The following XNDC1N variants were observed in gnomAD, a reference collection of about 807,000 sequenced individuals.
XNDC1N encodes the protein XRCC1 N-terminal domain containing 1, N-terminal like, also known as protein XNDC1N.
At chr11:71,916,315 G>A in the XNDC1N span, 1 of 691,148 alleles carries the variant, frequency 1.4e-6, no homozygotes, top group East Asian at 2.7e-5. Context: ...GAGAGACAGA[G>A]GAAGAAAAGG....
chr11:71,922,853 C>T, the XNDC1N span, among the ~76,000 whole-genome samples: 2 of 152,172 alleles, frequency 1.3e-5, no homozygotes, highest in African/African-American at 4.8e-5. Flanking sequence ...CACATCAGAT[C>T]AGGCCTGGTC....
At chr11:71,878,838 A>G in the XNDC1N span, among the ~76,000 whole-genome samples, 1 of 152,000 alleles carries the variant, frequency 6.6e-6, no homozygotes, top group African/African-American at 2.4e-5. Context: ...AAAAAAAAAA[A>G]AAATACAAAA....
At chr11:71,911,082 G>A in the XNDC1N span, among the ~76,000 whole-genome samples, 4 of 152,352 alleles carry the variant, frequency 2.6e-5, no homozygotes, top group Non-Finnish European at 4.4e-5. Flanking sequence ...ACAACTGGAC[G>A]GGGTTTCTAA....
the XNDC1N span, chr11:71,919,116 C>T: frequency 1.5e-6 from 1 of 667,040 alleles, no homozygotes; most frequent in African/African-American, 1.8e-5. Context: ...AAACCCCAAA[C>T]CTTCCCAGTC....
At chr11:71,877,589 G>T in the XNDC1N span, among the ~76,000 whole-genome samples, 1 of 152,238 alleles carries the variant, frequency 6.6e-6, no homozygotes, top group African/African-American at 2.4e-5. Flanking sequence ...AGTGAGCCAA[G>T]ATCGCACCAC....
At chr11:71,893,754 G>A in the XNDC1N span, 34,159 of 1,156,198 alleles carry the variant, frequency 0.03, 638 homozygotes, top group East Asian at 0.071. Context: ...TCTCTCATGC[G>A]GACTGCCTGA....
chr11:71,868,213 G>T, the XNDC1N span, among the ~76,000 whole-genome samples: 1 of 152,216 alleles, frequency 6.6e-6, no homozygotes, highest in Non-Finnish European at 1.5e-5. Flanking sequence ...ACAGCATACA[G>T]TTGGGGCTTG....
chr11:71,901,859 G>T, the XNDC1N span, among the ~76,000 whole-genome samples: 17 of 152,020 alleles, frequency 1.1e-4, no homozygotes, highest in African/African-American at 3.6e-4. Flanking sequence ...TCTAGGTGAC[G>T]GATGCATAAA....
the XNDC1N span, among the ~76,000 whole-genome samples, chr11:71,899,044 C>T: frequency 2.0e-5 from 3 of 152,176 alleles, no homozygotes; most frequent in South Asian, 6.2e-4. Context: ...CCCAAATCTT[C>T]TATGGACACT....
At chr11:71,866,112 CTT>C in the XNDC1N span, among the ~76,000 whole-genome samples, 2 of 150,372 alleles carry the variant, frequency 1.3e-5, no homozygotes, top group African/African-American at 4.9e-5. Context: ...AATTATGTCT[CTT>C]TATCTGAAAG....
the XNDC1N span, among the ~76,000 whole-genome samples, chr11:71,891,875 AG>A: frequency 6.6e-6 from 1 of 151,966 alleles, no homozygotes; most frequent in African/African-American, 2.4e-5. Context: ...ACAATATCAC[AG>A]GGGGTGTTTA....
the XNDC1N span, among the ~76,000 whole-genome samples, chr11:71,907,441 G>C: frequency 7.2e-6 from 1 of 138,346 alleles, no homozygotes; most frequent in African/African-American, 2.5e-5. Flanking sequence ...AGCCCCCCAC[G>C]ATGCGGGGAG....
chr11:71,895,270 T>G, the XNDC1N span, among the ~76,000 whole-genome samples: 5 of 151,930 alleles, frequency 3.3e-5, no homozygotes, highest in African/African-American at 1.2e-4. Flanking sequence ...ATACAAATAT[T>G]TATTATGTTG....
the XNDC1N span, among the ~76,000 whole-genome samples, chr11:71,892,552 A>G: frequency 5.9e-5 from 9 of 152,122 alleles, 1 homozygote; most frequent in African/African-American, 2.2e-4. Context: ...CTCTACTTTC[A>G]GGAGCAGTAT....
At chr11:71,916,365 C>T in the XNDC1N span, 15 of 620,084 alleles carry the variant, frequency 2.4e-5, no homozygotes, top group African/African-American at 2.0e-4. Flanking sequence ...TAACCTCCAA[C>T]AAAAGAAGGA....
At chr11:71,899,170 G>C in the XNDC1N span, among the ~76,000 whole-genome samples, 2 of 152,154 alleles carry the variant, frequency 1.3e-5, no homozygotes, top group African/African-American at 4.8e-5. Flanking sequence ...CCACAGAATA[G>C]TAAATAGTCA....
chr11:71,917,356 G>T, the XNDC1N span: 2 of 613,690 alleles, frequency 3.3e-6, no homozygotes, highest in Non-Finnish European at 5.8e-6. Context: ...TCTATATATT[G>T]GGCCCTACCG....
At chr11:71,903,292 G>C in the XNDC1N span, 1 of 1,371,928 alleles carries the variant, frequency 7.3e-7, no homozygotes, top group East Asian at 2.3e-5. Flanking sequence ...TCCTGTCCAT[G>C]TGCCTGGTCA....
At chr11:71,926,060 C>A in the XNDC1N span, 2 of 151,538 alleles carry the variant, frequency 1.3e-5, no homozygotes, top group Non-Finnish European at 2.9e-5. Context: ...TATCTTCAGC[C>A]CAGGAGTTCA....
Sources: allele counts gnomAD v4.1 joint callset (sites outside exome capture counted in the v4.1 genomes callset), GRCh38; gene constraint gnomAD v4.1.1; transcripts MANE v1.5; gene names NCBI Gene and HGNC (gene_info 2026-07-23, HGNC 2026-07-21).